CLNK: variants seen among roughly 807,000 people sequenced by gnomAD.
CLNK encodes cytokine-dependent hematopoietic cell linker.
A neutral mutation model predicts 68.6 loss-of-function variants in CLNK; 74 were observed. The observed-to-expected ratio is 1.08, with a 90% CI of 0.89 to 1.31. CLNK has a LOEUF of 1.31. Ranked by LOEUF, CLNK falls within the 50% of genes most tolerant of loss-of-function variation. The pLI is 0.00. For missense variants in CLNK, 553 were observed against 515.3 expected (o/e 1.07, Z -0.71); for synonymous variants, 198 against 172.2 (o/e 1.15, Z -1.17).
At chr4:10,715,739 A>G in the CLNK span, among the ~76,000 whole-genome samples, 1 of 152,210 alleles carries the variant, frequency 6.6e-6, no homozygotes, top group Admixed American at 6.5e-5. Context: ...TATCAAAATC[A>G]CCTGTGTCAA....
At chr4:10,537,458 A>G (rs544645973) in intron 11 of CLNK, among the ~76,000 whole-genome samples, 11 of 152,182 alleles carry the variant, frequency 7.2e-5, no homozygotes, top group African/African-American at 2.4e-4. Context: ...AGCCTGGGCA[A>G]TAGAGCGAGA....
intron 1 of CLNK, among the ~76,000 whole-genome samples, chr4:10,679,985 A>C (rs1297158795): frequency 1.3e-5 from 2 of 152,174 alleles, no homozygotes; most frequent in African/African-American, 4.8e-5. Flanking sequence ...TAGAACTAGA[A>C]ATACCATTTG....
chr4:10,713,315 G>A, the CLNK span, among the ~76,000 whole-genome samples: 3 of 152,160 alleles, frequency 2.0e-5, no homozygotes, highest in South Asian at 6.2e-4. Flanking sequence ...CACACTCCAC[G>A]AATTACTCTG....
At chr4:10,624,456 C>A (rs13104747) in intron 2 of CLNK, among the ~76,000 whole-genome samples, 19 of 152,258 alleles carry the variant, frequency 1.2e-4, no homozygotes, top group Admixed American at 1.2e-3. Context: ...CCACGCCCGG[C>A]TAATTTTTTG....
At chr4:10,608,093 G>A (rs1432173037) in intron 2 of CLNK, among the ~76,000 whole-genome samples, 2 of 152,196 alleles carry the variant, frequency 1.3e-5, no homozygotes, top group Non-Finnish European at 2.9e-5. Context: ...AGAACTTGGA[G>A]TGTCCTGTGC....
intron 1 of CLNK, among the ~76,000 whole-genome samples, chr4:10,679,558 T>A (rs1338846028): frequency 6.6e-6 from 1 of 152,098 alleles, no homozygotes; most frequent in Non-Finnish European, 1.5e-5. Flanking sequence ...CAAAAGAAAC[T>A]ACCATCAGAG....
chr4:10,604,824 A>G lies in CLNK; in HGVS notation c.12-6775T>C, dbSNP rs563062266. ...ACTGCCTTTGCAGTTTCATGGTGTGATGGTTAATTTTGTGAGTCAACTTGG... is the reference window on the plus strand; with the variant it reads ...ACTGCCTTTGCAGTTTCATGGTGTGGTGGTTAATTTTGTGAGTCAACTTGG... On this transcript the variant is annotated intron_variant, in intron 2 of 18. Transcript: ENST00000226951. Among the ~76,000 whole-genome samples, 3 of 152,314 alleles carry G rather than the reference A, an allele frequency of 2.0e-5. No homozygotes were observed. In the South Asian group the frequency reaches 6.2e-4, roughly 32 times the overall value.
intron 2 of CLNK, 74 bp from the exon 3 acceptor site, chr4:10,598,123 T>C (rs1266356222): frequency 2.0e-6 from 2 of 1,015,316 alleles, no homozygotes; most frequent in Non-Finnish European, 2.9e-6. Flanking sequence ...AGTGCATTCA[T>C]TCATAGAAAG....
At chr4:10,690,632 T>G in the CLNK span, among the ~76,000 whole-genome samples, 7 of 152,222 alleles carry the variant, frequency 4.6e-5, no homozygotes, top group Non-Finnish European at 1.0e-4. Flanking sequence ...GACCTCAATA[T>G]ATGCTATAAT....
At chr4:10,570,603 G>C in intron 5 of CLNK, among the ~76,000 whole-genome samples, 1 of 152,030 alleles carries the variant, frequency 6.6e-6, no homozygotes, top group East Asian at 1.9e-4. Flanking sequence ...TTCTGGGTAA[G>C]GGTCCATAAG....
intron 1 of CLNK, among the ~76,000 whole-genome samples, chr4:10,675,881 C>A (rs946432560): frequency 1.3e-5 from 2 of 152,140 alleles, no homozygotes; most frequent in Non-Finnish European, 2.9e-5. Context: ...AGGCTTAAGG[C>A]TTTCTTTTAT....
the CLNK span, among the ~76,000 whole-genome samples, chr4:10,694,785 AAAG>A: frequency 6.6e-6 from 1 of 152,192 alleles, no homozygotes; most frequent in Non-Finnish European, 1.5e-5. Flanking sequence ...TTCCATTTAA[AAAG>A]AAGGAGATCA....
intron 2 of CLNK, among the ~76,000 whole-genome samples, chr4:10,647,946 C>T (rs987460883): frequency 6.6e-6 from 1 of 152,114 alleles, no homozygotes; most frequent in Non-Finnish European, 1.5e-5. Context: ...GGTCAGTGCT[C>T]ATTCCACTAC....
At chr4:10,573,668 A>G (rs1295783758) in intron 4 of CLNK, among the ~76,000 whole-genome samples, 1 of 152,182 alleles carries the variant, frequency 6.6e-6, no homozygotes, top group African/African-American at 2.4e-5. Context: ...TGTTTAATTC[A>G]GGGTTCAATA....
intron 17 of CLNK, among the ~76,000 whole-genome samples, chr4:10,505,239 C>T (rs955643477): frequency 3.9e-5 from 6 of 152,184 alleles, no homozygotes; most frequent in Non-Finnish European, 5.9e-5. Flanking sequence ...GCTGCATCAG[C>T]CAACCACCCA....
intron 18 of CLNK, 34 bp downstream of exon 18, chr4:10,501,222 G>T (rs755453425): frequency 1.3e-6 from 2 of 1,529,280 alleles, no homozygotes; most frequent in Non-Finnish European, 1.7e-6. Flanking sequence ...GTTGCGCTTA[G>T]CCTGGAACAG....
chr4:10,616,790 GTATATATA>G (rs58333228), intron 2 of CLNK, among the ~76,000 whole-genome samples: 1 of 64,400 alleles, frequency 1.6e-5, no homozygotes, highest in African/African-American at 4.2e-5. Flanking sequence ...GTGTGTGTGT[GTATATATA>G]TATATATATA....
At chr4:10,678,698 G>A (rs1322515087) in intron 1 of CLNK, among the ~76,000 whole-genome samples, 1 of 152,090 alleles carries the variant, frequency 6.6e-6, no homozygotes, top group Non-Finnish European at 1.5e-5. Flanking sequence ...CAAAATCAAT[G>A]TGCAAAAATC....
chr4:10,615,370 A>G (rs1722188720), intron 2 of CLNK, among the ~76,000 whole-genome samples: 1 of 152,088 alleles, frequency 6.6e-6, no homozygotes, highest in Non-Finnish European at 1.5e-5. Context: ...AATCCCAGAT[A>G]CTTGGGATTG....
Sources: gnomAD v4.1 joint callset for allele counts (sites outside exome capture counted in the v4.1 genomes callset) on GRCh38, gnomAD v4.1.1 for gene constraint, MANE v1.5 for transcripts, NCBI Gene and HGNC (gene_info 2026-07-23, HGNC 2026-07-21) for gene names.